Variants in PCDHGA9 observed in about 807,000 individuals in gnomAD.
PCDHGA9 encodes the protein protocadherin gamma subfamily A, 9.
PCDHGA9 carries 37 observed loss-of-function variants against 62.5 expected under a neutral mutation model. The observed-to-expected ratio is 0.59, with a 90% confidence interval of 0.46 to 0.78. The LOEUF is 0.78. Among genes scored for constraint, PCDHGA9 ranks in the 30% least tolerant of loss-of-function variants. The pLI, the probability that PCDHGA9 is intolerant of heterozygous loss-of-function variation, is 0.00. For missense variants in PCDHGA9, 1,138 were observed against 1,166.2 expected, an observed-to-expected ratio of 0.98 and a Z score of 0.35; for synonymous variants, 459 against 484.6, an observed-to-expected ratio of 0.95 and a Z score of 0.69.
At chr5:141,410,100 G>A in intron 1 of PCDHGA9, 1 of 1,612,736 alleles carries the variant, frequency 6.2e-7, no homozygotes, top group Non-Finnish European at 8.5e-7. Context: ...CGAGCCTTAG[G>A]CGACAGGGAC....
intron 1 of PCDHGA9, among the ~76,000 whole-genome samples, chr5:141,474,404 G>A (rs1014003488): frequency 4.6e-5 from 7 of 152,156 alleles, no homozygotes; most frequent in East Asian, 1.9e-4. Context: ...CAAGCTCCCC[G>A]GTGATGCCTA....
chr5:141,427,398 A>T (rs1040184910), intron 1 of PCDHGA9: 8 of 460,774 alleles, frequency 1.7e-5, no homozygotes, highest in Non-Finnish European at 3.5e-5. Context: ...AACACATGAT[A>T]AAGATTCGAG....
intron 3 of PCDHGA9, 85 bp from the exon 4 acceptor site, chr5:141,510,862 C>A: frequency 6.2e-7 from 1 of 1,606,772 alleles, no homozygotes. Context: ...GCTGTATAGG[C>A]ATTCATTAAC....
intron 1 of PCDHGA9, among the ~76,000 whole-genome samples, chr5:141,449,607 A>G (rs1279835785): frequency 1.3e-5 from 2 of 149,984 alleles, no homozygotes; most frequent in African/African-American, 4.9e-5. Flanking sequence ...AAAAAAAAAA[A>G]GTAAAAAAGT....
In PCDHGA9 at chr5:141,419,493, A is replaced by G. The variant is rs1246204844; in HGVS notation, c.2424+14117A>G. 5.0e-6 allele frequency: 8 copies of G among 1,612,382 alleles called. No individual in the cohort carries two copies. The highest frequency in any genetic ancestry group is 1.7e-4 in the Middle Eastern group (1 of 5,978). On this transcript the variant is annotated intron_variant, in intron 1 of 3. Coordinates refer to ENST00000573521, the MANE Select transcript of PCDHGA9 (RefSeq NM_018921.3). ...CAGGGCTCGCCCGCGCTCAGCGCCA[A>G]TGTGAGCCTGCGCGTGTTGGTGGGC...
intron 1 of PCDHGA9, among the ~76,000 whole-genome samples, chr5:141,435,175 C>T (rs1199067294): frequency 6.6e-6 from 1 of 152,030 alleles, no homozygotes; most frequent in East Asian, 1.9e-4. Context: ...TGGCTTTTAA[C>T]TACACTTGAG....
In PCDHGA9 at chr5:141,402,882, G is replaced by A; in HGVS notation, c.-71G>A. 6.8e-7 allele frequency: 1 copy of A among 1,479,680 alleles called. No homozygotes were observed. Among genetic ancestry groups the A allele is most frequent in the South Asian group, 1.4e-5 (1 of 69,480 alleles). The allele number at this position is 1,479,680 out of a possible 1,614,324, so 91.7% of individuals were successfully genotyped here. A position where few individuals can be genotyped will look rare whatever the true frequency, so the allele number is the denominator to read the frequency against. On this transcript the variant is annotated 5_prime_UTR_variant, in exon 1 of 4. Coordinates refer to ENST00000573521, the MANE Select transcript of PCDHGA9 (RefSeq NM_018921.3). ...AGGAAAAGATCACCATACTTTGCAG[G>A]GTGGAAGAAAGAACCTGATGAAGCA...
intron 1 of PCDHGA9, chr5:141,433,247 G>A (rs1393219042): frequency 2.8e-6 from 4 of 1,447,840 alleles, no homozygotes; most frequent in Non-Finnish European, 3.8e-6. Context: ...AAGCTGGAAT[G>A]CAGCGGTACG....
chr5:141,502,518 T>C (rs1388007900), intron 2 of PCDHGA9, among the ~76,000 whole-genome samples: 1 of 152,184 alleles, frequency 6.6e-6, no homozygotes, highest in Non-Finnish European at 1.5e-5. Flanking sequence ...CCACTATCAG[T>C]GATGCCGAGT....
chr5:141,492,007 C>A, intron 1 of PCDHGA9: 1 of 629,072 alleles, frequency 1.6e-6, no homozygotes, highest in Non-Finnish European at 2.6e-6. Flanking sequence ...GCGATTTCCG[C>A]GGGTGTCGGG....
chr5:141,478,851 C>T, intron 1 of PCDHGA9: 1 of 1,374,810 alleles, frequency 7.3e-7, no homozygotes, highest in Non-Finnish European at 9.6e-7. Context: ...AGCTAAAACA[C>T]AAGATCTCAG....
chr5:141,503,528 G>A (rs1411240550), intron 2 of PCDHGA9, among the ~76,000 whole-genome samples: 2 of 151,470 alleles, frequency 1.3e-5, no homozygotes, highest in Non-Finnish European at 2.9e-5. Flanking sequence ...GAACCTGGGA[G>A]GCAGAGGTTG....
chr5:141,496,306 C>T (rs1380057886), intron 2 of PCDHGA9, among the ~76,000 whole-genome samples: 1 of 152,202 alleles, frequency 6.6e-6, no homozygotes, highest in South Asian at 2.1e-4. Flanking sequence ...ATAGGCTCTG[C>T]GCCAGGCCTC....
At chr5:141,422,202 T>C (rs1272540004) in intron 1 of PCDHGA9, 1 of 1,561,656 alleles carries the variant, frequency 6.4e-7, no homozygotes, top group Admixed American at 2.0e-5. Flanking sequence ...GCCAAGATGG[T>C]GGAGGTCTCT....
rs1211398299 is a variant in PCDHGA9 at position 141,420,143 on chromosome 5, A to G, written c.2424+14767A>G. The G allele has an allele frequency of 1.2e-6, 2 of 1,614,052 alleles. No homozygotes were observed. The highest frequency in any genetic ancestry group is 2.2e-5 in the East Asian group (1 of 44,888). On this transcript the variant is annotated intron_variant, in intron 1 of 3. Transcript: ENST00000573521. The stretch of plus-strand genomic sequence containing the variant: ...TTTTTGTGTGCCTGGGGATCAAATG[A>G]ATCCAGAATTTAATTTTTTCACATC...
intron 1 of PCDHGA9, chr5:141,427,247 T>C (rs1409945260): frequency 2.2e-6 from 1 of 456,582 alleles, no homozygotes; most frequent in Non-Finnish European, 4.4e-6. Context: ...AAGCTAAGGA[T>C]GGTGGAGGCA....
chr5:141,427,556 C>A (rs1022143090), intron 1 of PCDHGA9: 7 of 649,144 alleles, frequency 1.1e-5, no homozygotes, highest in African/African-American at 1.1e-4. Flanking sequence ...CTGCCACTGA[C>A]AAGGGCAAGC....
chr5:141,484,096 G>A (rs539388257), intron 1 of PCDHGA9, among the ~76,000 whole-genome samples: 1 of 152,126 alleles, frequency 6.6e-6, no homozygotes, highest in South Asian at 2.1e-4. Flanking sequence ...GTCTTCGTTG[G>A]TAATTAACAA....
At chr5:141,447,263 C>A (rs953578064) in intron 1 of PCDHGA9, among the ~76,000 whole-genome samples, 1 of 152,116 alleles carries the variant, frequency 6.6e-6, no homozygotes, top group Non-Finnish European at 1.5e-5. Context: ...TCTCAGCCTC[C>A]CAAGTAGCTG....
Sources: allele counts gnomAD v4.1 joint callset (sites outside exome capture counted in the v4.1 genomes callset), GRCh38; gene constraint gnomAD v4.1.1; transcripts MANE v1.5; gene names NCBI Gene and HGNC (gene_info 2026-07-23, HGNC 2026-07-21).